Variants in BHLHE40 observed in about 807,000 individuals in gnomAD.
BHLHE40 encodes basic helix-loop-helix family member e40.
In BHLHE40, 3 loss-of-function variants were observed where a neutral mutation model predicts 35.7. The ratio of observed to expected loss-of-function variants is 0.08; its 90% CI spans 0.04 to 0.22. The LOEUF is 0.22. Ranked by LOEUF, BHLHE40 falls within the 10% of genes least tolerant of loss-of-function variation. The pLI, the probability that BHLHE40 is intolerant of heterozygous loss-of-function variation, is 1.00. For synonymous variants in BHLHE40, 236 were observed against 213.0 expected (o/e 1.11, Z -0.94); for missense variants, 486 against 524.0 (o/e 0.93, Z 0.71).
At chr3:4,980,076 C>A in intron 2 of BHLHE40, 45 bp downstream of exon 2, 1 of 1,599,386 alleles carries the variant, frequency 6.3e-7, no homozygotes, top group Non-Finnish European at 8.6e-7. Context: ...GCCCCTCGCG[C>A]GCGCTGAGTT....
Position 4,983,258 on chromosome 3 carries a change from T to A in BHLHE40, c.805T>A (p.Phe269Ile). 1 of 1,614,102 alleles carries A rather than the reference T, an allele frequency of 6.2e-7. No homozygotes were observed. The highest frequency in any genetic ancestry group is 8.5e-7 in the Non-Finnish European group (1 of 1,180,022). Reference sequence around the variant, plus strand: ...CTTCAAAAGTGACCACGGACGCAGGTTCACGATGGGAGAAAGGATCGGCGC... The same window carrying A: ...CTTCAAAAGTGACCACGGACGCAGGATCACGATGGGAGAAAGGATCGGCGC... The part of the protein sequence containing the change: ...PCFKSDHGRR[F>I]TMGERIGAIK... Residue 269 changes from phenylalanine to isoleucine, a missense_variant, in exon 5 of 5, where the codon TTC (phenylalanine) becomes ATC (isoleucine). Physicochemically the swap from Phe to Ile is conservative, Grantham distance 21. Around this residue, in one of 5 missense-constraint regions of BHLHE40, gnomAD observed 206 missense variants for 208.9 expected, o/e 0.99. Transcript: ENST00000256495. The surrounding 1 kb of genome is among the most constrained non-coding windows in gnomAD (Gnocchi z 5.0).
At chr3:4,981,185 TACACACACACACACACACAC>T (rs10549138) in intron 3 of BHLHE40, among the ~76,000 whole-genome samples, 187 bp from the exon 4 acceptor site, 2 of 143,888 alleles carry the variant, frequency 1.4e-5, no homozygotes, top group Non-Finnish European at 3.0e-5. Flanking sequence ...TATATATATA[TACACACACACACACACACAC>T]ACACACACAC....
chr3:4,983,784 C>T lies in BHLHE40; in HGVS notation c.*92C>T. On this transcript the variant is annotated 3_prime_UTR_variant, in exon 5 of 5. Transcript: ENST00000256495. This position sits in a 1 kb window ranked among gnomAD's most constrained non-coding sequence, Gnocchi z 5.0. Reference sequence around the variant, plus strand: ...TTTTGTGAATGCTGCAAGATTGTTGCATTGTGTATACTGAGATAATCTGAG... The same window carrying T: ...TTTTGTGAATGCTGCAAGATTGTTGTATTGTGTATACTGAGATAATCTGAG... The T allele has an allele frequency of 6.9e-7, 1 of 1,447,786 alleles. No homozygotes were observed. The highest frequency in any genetic ancestry group is 1.3e-5 in the South Asian group (1 of 74,076). The allele number at this position is 1,447,786 out of a possible 1,614,324, so 89.7% of individuals were successfully genotyped here.
chr3:4,984,643 C>T lies in BHLHE40; in HGVS notation c.*951C>T, dbSNP rs185625137. 57 of 152,804 alleles carry T rather than the reference C, an allele frequency of 3.7e-4. No homozygotes were observed. Among genetic ancestry groups the T allele is most frequent in the Admixed American group, 3.1e-3 (48 of 15,304 alleles). 9.5% of individuals were successfully genotyped at this position (152,804 alleles called of 1,614,324 possible). A position where few individuals can be genotyped will look rare whatever the true frequency, so the allele number is the denominator to read the frequency against. On this transcript the variant is annotated 3_prime_UTR_variant, in exon 5 of 5. Coordinates refer to ENST00000256495, the MANE Select transcript of BHLHE40 (RefSeq NM_003670.3). ...TTAACCAAGCTTAGCTTCTCAAAGG[C>T]CTAACCAAGCCTTGGCACCGCCAGA...
chr3:4,983,665 C>T lies in BHLHE40; in HGVS notation c.1212C>T (p.Pro404=), dbSNP rs1453567870. The change falls in exon 5 of 5, where the codon CCC becomes CCT. Residue 404 remains proline, a synonymous_variant. Transcript: ENST00000256495. The surrounding 1 kb of genome is among the most constrained non-coding windows in gnomAD (Gnocchi z 5.0). The part of the protein sequence containing the change: ...SVLLQALKPI[P]PLNLETKD Reference sequence around the variant, plus strand: ...TGCTCCAAGCTCTGAAGCCAATCCCCCCTTTAAACTTAGAAACCAAAGACT... The same window carrying T: ...TGCTCCAAGCTCTGAAGCCAATCCCTCCTTTAAACTTAGAAACCAAAGACT... 6.2e-7 allele frequency: 1 copy of T among 1,610,580 alleles called. No individual in the cohort carries two copies. The highest frequency in any genetic ancestry group is 2.2e-5 in the East Asian group (1 of 44,808).
chr3:4,983,970 T>C lies in BHLHE40; in HGVS notation c.*278T>C, dbSNP rs910465261. ...ACATCAGGAGACTTGGGGGGGATTGTAGCAGACGTCTGGGCTTTTCCCCAC... is the reference window on the plus strand; with the variant it reads ...ACATCAGGAGACTTGGGGGGGATTGCAGCAGACGTCTGGGCTTTTCCCCAC... On this transcript the variant is annotated 3_prime_UTR_variant, in exon 5 of 5. Coordinates refer to ENST00000256495, the MANE Select transcript of BHLHE40 (RefSeq NM_003670.3). The surrounding 1 kb of genome is among the most constrained non-coding windows in gnomAD (Gnocchi z 5.0). 6 of 426,242 alleles carry C rather than the reference T, an allele frequency of 1.4e-5. No individual in the cohort carries two copies. Among genetic ancestry groups the C allele is most frequent in the African/African-American group, 8.0e-5 (4 of 49,822 alleles). 26.4% of individuals were successfully genotyped at this position (426,242 alleles called of 1,614,324 possible).
At position 4,981,381 on chromosome 3, in the gene BHLHE40, T is replaced by C. The variant is rs1176003270; in HGVS notation, c.259-11T>C. The C allele has an allele frequency of 1.2e-6, 2 of 1,613,598 alleles. No individual in the cohort carries two copies. Among genetic ancestry groups the C allele is most frequent in the Admixed American group, 3.3e-5 (2 of 59,952 alleles). Reference sequence around the variant, plus strand: ...TGACCTCACCGCTGACTAAGGCTCTTTTCCTTCCAGACTTTGGGTCACTTG... The same window carrying C: ...TGACCTCACCGCTGACTAAGGCTCTCTTCCTTCCAGACTTTGGGTCACTTG... On this transcript the variant is annotated splice_polypyrimidine_tract_variant and intron_variant, in intron 3 of 4. Coordinates refer to ENST00000256495, the MANE Select transcript of BHLHE40 (RefSeq NM_003670.3).
At chr3:4,980,557 G>A (rs376264808) in intron 3 of BHLHE40, 149 bp downstream of exon 3, 6 of 625,976 alleles carry the variant, frequency 9.6e-6, no homozygotes, top group South Asian at 3.8e-5. Context: ...CTCCTCCACA[G>A]TCCTGGCGTT....
intron 4 of BHLHE40, 109 bp from the exon 5 acceptor site, chr3:4,982,727 T>C: frequency 7.8e-7 from 1 of 1,278,600 alleles, no homozygotes; most frequent in South Asian, 1.4e-5. Context: ...AATCAGTAAA[T>C]GCATTTTTTT....
At chr3:4,981,178 A>ATG (rs1272947078) in intron 3 of BHLHE40, among the ~76,000 whole-genome samples, 4 of 10,710 alleles carry the variant, frequency 3.7e-4, no homozygotes, top group African/African-American at 2.0e-3. Flanking sequence ...TATATATTAT[A>ATG]TATATATACA....
rs2053231402 is a variant in BHLHE40, at chr3:4,984,585, G to A, written c.*893G>A. 2 of 152,408 alleles carry A rather than the reference G, an allele frequency of 1.3e-5. No homozygotes were observed. The highest frequency in any genetic ancestry group is 1.3e-4 in the Admixed American group (2 of 15,282). 9.4% of individuals were successfully genotyped at this position (152,408 alleles called of 1,614,324 possible). A position where few individuals can be genotyped will look rare whatever the true frequency, so the allele number is the denominator to read the frequency against. ...AAGCTGCCCCCTTCAAACAGAACTA[G>A]ACTCAGTTTTCAATTCCATCCTAAA... On this transcript the variant is annotated 3_prime_UTR_variant, in exon 5 of 5. Coordinates refer to ENST00000256495, the MANE Select transcript of BHLHE40 (RefSeq NM_003670.3).
Position 4,982,959 on chromosome 3 carries a change from C to T in BHLHE40, c.506C>T (p.Ser169Leu). The part of the protein sequence containing the change: ...KHENTRDLKS[S>L]QLVTHLHRVV... ...GAGAACACTCGGGACCTGAAGTCTT[C>T]GCAGCTTGTCACCCACCTCCACCGG... Residue 169 changes from serine (S) to leucine (L), a missense_variant, in exon 5 of 5, where the codon TCG (serine) becomes TTG (leucine). Ser to Leu is a moderately radical substitution (Grantham distance 145, BLOSUM62 -2). Coordinates refer to ENST00000256495, the MANE Select transcript of BHLHE40 (RefSeq NM_003670.3). 1.2e-6 allele frequency: 2 copies of T among 1,613,568 alleles called. No homozygotes were observed. Among genetic ancestry groups the T allele is most frequent in the Non-Finnish European group, 1.7e-6 (2 of 1,179,578 alleles).
chr3:4,983,859 T>TGCGC lies in BHLHE40; in HGVS notation c.*170_*171insCGCG, dbSNP rs1553562132. The stretch of plus-strand genomic sequence containing the variant: ...GTGTGTGTGTGTGTGTGTGTGTATG[T>TGCGC]GCGTGTGCGTGCACATGTGTGCCTG... On this transcript the variant is annotated 3_prime_UTR_variant, in exon 5 of 5. Transcript: ENST00000256495. This position sits in a 1 kb window ranked among gnomAD's most constrained non-coding sequence, Gnocchi z 5.0. 1 of 942,312 alleles carries TGCGC rather than the reference T, an allele frequency of 1.1e-6. No individual in the cohort carries two copies. The highest frequency in any genetic ancestry group is 1.6e-6 in the Non-Finnish European group (1 of 644,384). The allele number at this position is 942,312 out of a possible 1,614,324, so 58.4% of individuals were successfully genotyped here.
rs376331535 is a variant in BHLHE40 at position 4,979,946 on chromosome 3, G to A, written c.81-16G>A. 4.3e-6 allele frequency: 7 copies of A among 1,613,846 alleles called. No homozygotes were observed. Among genetic ancestry groups the A allele is most frequent in the Non-Finnish European group, 5.9e-6 (7 of 1,179,892 alleles). ...GCGCAAGCAGTCACGACCCTTCCTG[G>A]TCTCTCTTCCTGCAGGATGTACCCT... On this transcript the variant is annotated splice_polypyrimidine_tract_variant and intron_variant, in intron 1 of 4. Transcript: ENST00000256495.
Position 4,979,912 on chromosome 3 carries a change from T to C in BHLHE40, c.81-50T>C, listed in dbSNP as rs1559236042. On this transcript the variant is annotated intron_variant, in intron 1 of 4. Coordinates refer to ENST00000256495, the MANE Select transcript of BHLHE40 (RefSeq NM_003670.3). Reference sequence around the variant, plus strand: ...GGAGGTTCTTGCCCGGCAGAACGCCTGCAGCCGTGCGCAAGCAGTCACGAC... The same window carrying C: ...GGAGGTTCTTGCCCGGCAGAACGCCCGCAGCCGTGCGCAAGCAGTCACGAC... 4.3e-6 allele frequency: 7 copies of C among 1,611,478 alleles called. No individual in the cohort carries two copies. In the East Asian group the frequency reaches 1.6e-4, roughly 36 times the overall value.
At chr3:4,982,352 T>C (rs2053205197) in intron 4 of BHLHE40, among the ~76,000 whole-genome samples, 1 of 152,254 alleles carries the variant, frequency 6.6e-6, no homozygotes, top group South Asian at 2.1e-4. Context: ...CTTTTACAAA[T>C]CATTGAAAAT....
rs1402382371 is a variant in BHLHE40, at chr3:4,983,348, G to A, written c.895G>A (p.Gly299Ser). The change falls in exon 5 of 5, where the codon GGC (glycine) becomes AGC (serine). Residue 299 changes from glycine to serine, a missense_variant. Transcript: ENST00000256495. This position sits in a 1 kb window ranked among gnomAD's most constrained non-coding sequence, Gnocchi z 5.0. ...KNRMQLSDDE[G>S]HFTSSDLISS... ...CCGGATGCAGCTTTCGGATGATGAA[G>A]GCCATTTCACTAGCAGTGACCTGAT... 3.7e-6 allele frequency: 6 copies of A among 1,614,186 alleles called. No homozygotes were observed. The highest frequency in any genetic ancestry group is 1.1e-5 in the South Asian group (1 of 91,084).
Position 4,983,698 on chromosome 3 carries a change from C to G in BHLHE40, c.*6C>G, listed in dbSNP as rs1575515375. 6.3e-7 allele frequency: 1 copy of G among 1,577,276 alleles called. No individual in the cohort carries two copies. The highest frequency in any genetic ancestry group is 8.6e-7 in the Non-Finnish European group (1 of 1,163,166). On this transcript the variant is annotated 3_prime_UTR_variant, in exon 5 of 5. Transcript: ENST00000256495. This position sits in a 1 kb window ranked among gnomAD's most constrained non-coding sequence, Gnocchi z 5.0. ...ACTTAGAAACCAAAGACTAAACTCT[C>G]TAGGGGATCCTGCTGCTTTGCTTTC...
In BHLHE40 at chr3:4,980,302, A is replaced by G. The variant is rs1273392090; in HGVS notation, c.152A>G (p.Glu51Gly). The change falls in exon 3 of 5, where the codon GAG becomes GGG. Residue 51 changes from glutamate (E) to glycine (G), a missense_variant and splice_region_variant. Transcript: ENST00000256495. ...RGIKRSEDSK[E>G]TYKLPHRLIE... ...ACCGCCTCCCCGTGCGTCTTGCAGG[A>G]GACCTACAAATTGCCGCACCGGCTC... 6.2e-7 allele frequency: 1 copy of G among 1,613,672 alleles called. No individual in the cohort carries two copies. Among genetic ancestry groups the G allele is most frequent in the Non-Finnish European group, 8.5e-7 (1 of 1,179,748 alleles).
Sources: allele counts gnomAD v4.1 joint callset (sites outside exome capture counted in the v4.1 genomes callset), GRCh38; gene constraint gnomAD v4.1.1; regional missense constraint gnomAD v4.1.1; non-coding constraint Gnocchi (gnomAD v3.1); transcripts MANE v1.5; gene names NCBI Gene and HGNC (gene_info 2026-07-23, HGNC 2026-07-21).